TBC1D19: variants seen among roughly 807,000 people sequenced by gnomAD.
TBC1D19 encodes the protein TBC1 domain family, member 19.
TBC1D19 carries 60 observed loss-of-function variants against 89.0 expected under a neutral mutation model. The observed-to-expected ratio is 0.67, with a 90% confidence interval of 0.55 to 0.84. TBC1D19 has a LOEUF of 0.84. TBC1D19 is among the 40% of genes least tolerant of loss of function. TBC1D19 has a pLI of 0.00. For missense variants in TBC1D19, 500 were observed against 610.8 expected (o/e 0.82, Z 1.91); for synonymous variants, 189 against 199.7 (o/e 0.95, Z 0.45).
intron 13 of TBC1D19, among the ~76,000 whole-genome samples, chr4:26,693,490 T>C (rs753818288): frequency 1.9e-4 from 29 of 152,092 alleles, no homozygotes; most frequent in Non-Finnish European, 2.9e-4. Context: ...GCCCAGGAAT[T>C]TGGGACCAGC....
chr4:26,825,976 C>T, the TBC1D19 span, among the ~76,000 whole-genome samples: 9 of 152,042 alleles, frequency 5.9e-5, no homozygotes, highest in East Asian at 9.6e-4. Context: ...CTTAGGCGGG[C>T]GAATCATTTG....
At position 26,748,859 on chromosome 4, in the gene TBC1D19, C is replaced by A. The variant is rs184073232; in HGVS notation, c.1435+333C>A. ...TGTGCAGCAGAGTGTAGATATACTT[C>A]CCTTCTACTCTGGACTCCCCTGGCT... On this transcript the variant is annotated intron_variant, in intron 19 of 20. Coordinates refer to ENST00000264866, the MANE Select transcript of TBC1D19 (RefSeq NM_018317.4). Among the ~76,000 whole-genome samples the A allele has an allele frequency of 2.2e-4, 33 of 152,138 alleles. No homozygotes were observed. The East Asian group carries it at 6.0e-3, about 28-fold the overall frequency.
upstream of TBC1D19, among the ~76,000 whole-genome samples, chr4:26,579,583 G>T (rs988596897): frequency 2.0e-5 from 3 of 151,318 alleles, no homozygotes; most frequent in African/African-American, 7.3e-5. Context: ...ATTGTGGTTT[G>T]CTGCACCTAT....
At chr4:26,625,873 C>T (rs980813801) in intron 4 of TBC1D19, among the ~76,000 whole-genome samples, 1 of 152,048 alleles carries the variant, frequency 6.6e-6, no homozygotes, top group Admixed American at 6.6e-5. Flanking sequence ...GGTGTTAACC[C>T]TGATCATCTG....
chr4:26,597,257 A>G (rs1470425299), intron 1 of TBC1D19, among the ~76,000 whole-genome samples: 1 of 152,154 alleles, frequency 6.6e-6, no homozygotes, highest in Non-Finnish European at 1.5e-5. Flanking sequence ...TTTAGTGGTT[A>G]TATACAGATT....
chr4:26,774,841 T>C, the TBC1D19 span, among the ~76,000 whole-genome samples: 32 of 152,196 alleles, frequency 2.1e-4, no homozygotes, highest in African/African-American at 7.7e-4. Flanking sequence ...TGAGTAGACA[T>C]TGTAAGAGTG....
At chr4:26,814,856 T>C in the TBC1D19 span, among the ~76,000 whole-genome samples, 2 of 152,104 alleles carry the variant, frequency 1.3e-5, no homozygotes, top group African/African-American at 4.8e-5. Context: ...GCCTCGTCTC[T>C]ACAAAATTTC....
At chr4:26,812,338 G>A in the TBC1D19 span, among the ~76,000 whole-genome samples, 7 of 152,060 alleles carry the variant, frequency 4.6e-5, no homozygotes, top group African/African-American at 1.2e-4. The surrounding 1 kb of genome is among the most constrained non-coding windows in gnomAD (Gnocchi z 4.2). Flanking sequence ...CTGTTAAGTC[G>A]TTCTGAGAAC....
chr4:26,585,216 G>A, intron 1 of TBC1D19: 1 of 442,508 alleles, frequency 2.3e-6, no homozygotes, highest in Non-Finnish European at 4.5e-6. Context: ...ATGAGAAACT[G>A]TCACACTTTT....
chr4:26,595,071 G>A (rs185729819), intron 1 of TBC1D19, among the ~76,000 whole-genome samples: 100 of 152,330 alleles, frequency 6.6e-4, no homozygotes, highest in African/African-American at 2.3e-3. Context: ...AGAAATGAGA[G>A]TGCTGGTTGC....
At chr4:26,660,448 A>AT (rs1229519503) in intron 8 of TBC1D19, among the ~76,000 whole-genome samples, 5 of 152,256 alleles carry the variant, frequency 3.3e-5, no homozygotes, top group Non-Finnish European at 7.4e-5. Context: ...ATGGCATTAT[A>AT]TTTTTTGCCA....
At chr4:26,643,838 A>G (rs966428508) in intron 7 of TBC1D19, among the ~76,000 whole-genome samples, 1 of 152,228 alleles carries the variant, frequency 6.6e-6, no homozygotes, top group African/African-American at 2.4e-5. Context: ...AGAAATGGAT[A>G]AATTCCTCGA....
the TBC1D19 span, among the ~76,000 whole-genome samples, chr4:26,826,518 T>C: frequency 1.3e-5 from 2 of 152,256 alleles, no homozygotes; most frequent in African/African-American, 4.8e-5. Flanking sequence ...ATCATTCTTA[T>C]TAAGATATTA....
the TBC1D19 span, among the ~76,000 whole-genome samples, chr4:26,854,683 GC>G: frequency 6.6e-6 from 1 of 151,428 alleles, no homozygotes; most frequent in Non-Finnish European, 1.5e-5. Context: ...CTGCTTTAGG[GC>G]ACAACTTTAA....
At chr4:26,661,597 C>A (rs1412806599) in intron 8 of TBC1D19, among the ~76,000 whole-genome samples, 1 of 152,120 alleles carries the variant, frequency 6.6e-6, no homozygotes, top group East Asian at 1.9e-4. Flanking sequence ...CAAAACCAAA[C>A]AACAACAACA....
intron 7 of TBC1D19, among the ~76,000 whole-genome samples, chr4:26,657,077 C>CA (rs1744903001): frequency 6.8e-6 from 1 of 147,940 alleles, no homozygotes. Context: ...TCTTCTTCTT[C>CA]TTCATTTATT....
the TBC1D19 span, among the ~76,000 whole-genome samples, chr4:26,796,233 C>T: frequency 6.6e-6 from 1 of 152,034 alleles, no homozygotes; most frequent in African/African-American, 2.4e-5. Flanking sequence ...AATAAGCTTC[C>T]AAAAGTAGAA....
At chr4:26,852,468 G>C in the TBC1D19 span, among the ~76,000 whole-genome samples, 4 of 152,118 alleles carry the variant, frequency 2.6e-5, no homozygotes, top group African/African-American at 9.7e-5. Flanking sequence ...AAGATGGGAG[G>C]ATCCATTGAG....
intron 13 of TBC1D19, 108 bp downstream of exon 13, chr4:26,688,515 A>G: frequency 3.9e-6 from 5 of 1,270,984 alleles, no homozygotes; most frequent in Non-Finnish European, 5.0e-6. Context: ...AATCCATGGC[A>G]TGCTTGTCGG....
Sources: allele counts gnomAD v4.1 joint callset (sites outside exome capture counted in the v4.1 genomes callset), GRCh38; gene constraint gnomAD v4.1.1; non-coding constraint Gnocchi (gnomAD v3.1); transcripts MANE v1.5; gene names NCBI Gene and HGNC (gene_info 2026-07-23, HGNC 2026-07-21).